The following ZFHX3 variants were observed in gnomAD, a reference collection of about 807,000 sequenced individuals.
The protein encoded by ZFHX3 is zinc finger homeobox protein 3.
ZFHX3 carries 42 observed loss-of-function variants against 279.1 expected under a neutral mutation model. The observed-to-expected ratio is 0.15, with a 90% confidence interval of 0.12 to 0.19. ZFHX3 has a LOEUF of 0.19. Among genes scored for constraint, ZFHX3 ranks in the 10% least tolerant of loss-of-function variants. ZFHX3 has a pLI of 1.00. For synonymous variants in ZFHX3, 2,293 were observed against 1,957.8 expected, an observed-to-expected ratio of 1.17 and a Z score of -4.52; for missense variants, 4,981 against 4,754.0, an observed-to-expected ratio of 1.05 and a Z score of -1.40.
At chr16:72,976,455 T>G (rs766232889) in intron 1 of ZFHX3, among the ~76,000 whole-genome samples, 2 of 152,202 alleles carry the variant, frequency 1.3e-5, no homozygotes, top group African/African-American at 4.8e-5. Context: ...CACTGGTTGT[T>G]CTAATGATTT....
At chr16:73,117,437 T>C (rs1597162864) in intron 7 of ZFHX3, among the ~76,000 whole-genome samples, 2 of 152,186 alleles carry the variant, frequency 1.3e-5, no homozygotes, top group Admixed American at 1.3e-4. Flanking sequence ...AGGTGAAGCA[T>C]AGAGATTTGG....
chr16:73,058,610 T>G, exon 1 of ZFHX3: 1 of 214,522 alleles, frequency 4.7e-6, no homozygotes, highest in Non-Finnish European at 8.8e-6. Flanking sequence ...GCGCTTTTAA[T>G]CCCGAAAAGA....
chr16:73,688,364 A>AAG (rs2053113236), intron 1 of ZFHX3, among the ~76,000 whole-genome samples: 1 of 151,602 alleles, frequency 6.6e-6, no homozygotes, highest in Non-Finnish European at 1.5e-5. Context: ...CTCAAAAAAA[A>AAG]AAAAAAAAAA....
chr16:72,829,722 A>C, intron 5 of ZFHX3, 57 bp downstream of exon 5: 1 of 1,585,172 alleles, frequency 6.3e-7, no homozygotes, highest in Non-Finnish European at 8.7e-7. Context: ...AGGAAAGATG[A>C]GAAGGCTCAA....
intron 3 of ZFHX3, among the ~76,000 whole-genome samples, chr16:72,890,511 T>TCC (rs1247936517): frequency 2.7e-5 from 4 of 149,148 alleles, no homozygotes; most frequent in East Asian, 1.9e-4. Context: ...TTTTTTTTTT[T>TCC]CCCCCAGAGT....
At chr16:73,417,839 A>G (rs1045762969) in intron 3 of ZFHX3, among the ~76,000 whole-genome samples, 1 of 151,118 alleles carries the variant, frequency 6.6e-6, no homozygotes, top group African/African-American at 2.4e-5. Flanking sequence ...AAAATAAAAA[A>G]TTAGCCGGGC....
rs144537356 is a variant in ZFHX3, at chr16:73,853,822, A to C, written c.-1608+37829T>G. Among the ~76,000 whole-genome samples the C allele has an allele frequency of 1.6e-3, 240 of 152,256 alleles. 3 individuals are homozygous for C. The highest frequency in any genetic ancestry group is 5.6e-3 in the African/African-American group (233 of 41,560). Reference sequence around the variant, plus strand: ...TCAAACAAGCACACATACCCCCTAAATCTAAAATAAATTTTTAAAAAAGAC... The same window carrying C: ...TCAAACAAGCACACATACCCCCTAACTCTAAAATAAATTTTTAAAAAAGAC... On this transcript the variant is annotated intron_variant, in intron 1 of 17. Coordinates refer to the ZFHX3 transcript ENST00000641206.
intron 3 of ZFHX3, among the ~76,000 whole-genome samples, chr16:72,890,870 T>C (rs1033588866): frequency 2.9e-4 from 44 of 152,246 alleles, no homozygotes; most frequent in Non-Finnish European, 5.3e-4. Flanking sequence ...TGAACAGTTA[T>C]GACAGAGATG....
At chr16:73,380,202 A>G (rs2143366025) in intron 3 of ZFHX3, among the ~76,000 whole-genome samples, 1 of 152,352 alleles carries the variant, frequency 6.6e-6, no homozygotes, top group Admixed American at 6.5e-5. Flanking sequence ...ATAAACCTCT[A>G]TGCACCACAC....
chr16:73,451,735 C>T (rs2018283965), intron 3 of ZFHX3, among the ~76,000 whole-genome samples: 1 of 152,092 alleles, frequency 6.6e-6, no homozygotes, highest in Non-Finnish European at 1.5e-5. Context: ...ATGGGAGATC[C>T]TTAGGTTTTT....
chr16:73,498,247 C>T (rs1329858340), intron 2 of ZFHX3, among the ~76,000 whole-genome samples: 4 of 152,192 alleles, frequency 2.6e-5, no homozygotes, highest in Non-Finnish European at 5.9e-5. Context: ...AAAATATTTG[C>T]TCCAAATTAA....
At position 73,530,899 on chromosome 16, in the gene ZFHX3, T is replaced by C. The variant is rs16972117; in HGVS notation, c.-1546-74641A>G. Reference sequence around the variant, plus strand: ...TGGACGTGAATTGAATTCTGCCCCTTGGTTAAGGCTAAACATCCAGTTGCC... The same window carrying C: ...TGGACGTGAATTGAATTCTGCCCCTCGGTTAAGGCTAAACATCCAGTTGCC... On this transcript the variant is annotated intron_variant, in intron 2 of 17. Coordinates refer to the ZFHX3 transcript ENST00000641206. Among the ~76,000 whole-genome samples the C allele has an allele frequency of 8.4e-3, 1,273 of 152,314 alleles. 13 individuals carry two copies. The highest frequency in any genetic ancestry group is 0.029 in the African/African-American group (1,223 of 41,566).
intron 1 of ZFHX3, among the ~76,000 whole-genome samples, chr16:72,983,031 T>C (rs941152125): frequency 2.0e-5 from 3 of 152,088 alleles, no homozygotes; most frequent in Admixed American, 6.6e-5. Flanking sequence ...AGTGCACATA[T>C]CTATGTAAAA....
intron 2 of ZFHX3, among the ~76,000 whole-genome samples, chr16:73,572,834 A>T (rs1410947973): frequency 6.6e-6 from 1 of 152,158 alleles, no homozygotes; most frequent in Non-Finnish European, 1.5e-5. Flanking sequence ...GCACTCTATC[A>T]ACCTAAATTG....
At chr16:73,804,301 C>G (rs1467578163) in intron 1 of ZFHX3, among the ~76,000 whole-genome samples, 1 of 152,160 alleles carries the variant, frequency 6.6e-6, no homozygotes, top group Non-Finnish European at 1.5e-5. Context: ...AAAACAGTAA[C>G]AACACAATTA....
At chr16:73,084,975 C>T (rs1002421711) in intron 8 of ZFHX3, among the ~76,000 whole-genome samples, 1 of 152,004 alleles carries the variant, frequency 6.6e-6, no homozygotes, top group African/African-American at 2.4e-5. Context: ...GAGTACTACC[C>T]GAAGCAATTT....
chr16:72,919,698 G>A (rs1302320063), intron 3 of ZFHX3, among the ~76,000 whole-genome samples: 5 of 143,270 alleles, frequency 3.5e-5, no homozygotes, highest in South Asian at 4.5e-4. Flanking sequence ...TTACATAAAC[G>A]CAATGATCTG....
chr16:72,785,508 T>C lies in ZFHX3; in HGVS notation c.*1656A>G, dbSNP rs2035329295. 1 of 152,682 alleles carries C rather than the reference T, an allele frequency of 6.5e-6. No individual in the cohort carries two copies. The highest frequency in any genetic ancestry group is 2.4e-5 in the African/African-American group (1 of 41,460). The allele number at this position is 152,682 out of a possible 1,614,324, so 9.5% of individuals were successfully genotyped here. A position where few individuals can be genotyped will look rare whatever the true frequency, so the allele number is the denominator to read the frequency against. On this transcript the variant is annotated 3_prime_UTR_variant, in exon 10 of 10. Transcript: ENST00000268489. Reference sequence around the variant, plus strand: ...ACCTGGGAATCTTTTGTTTTTCTCTTTCTTTTATTAAACTAAGTCTTGTTT... The same window carrying C: ...ACCTGGGAATCTTTTGTTTTTCTCTCTCTTTTATTAAACTAAGTCTTGTTT...
intron 3 of ZFHX3, among the ~76,000 whole-genome samples, chr16:73,321,112 G>C (rs552987152): frequency 6.6e-6 from 1 of 152,338 alleles, no homozygotes; most frequent in East Asian, 1.9e-4. Context: ...CTAGGACAGA[G>C]AGCAAAGCCA....
Sources: allele counts gnomAD v4.1 joint callset (sites outside exome capture counted in the v4.1 genomes callset), GRCh38; gene constraint gnomAD v4.1.1; transcripts MANE v1.5; gene names NCBI Gene and HGNC (gene_info 2026-07-23, HGNC 2026-07-21).